The following MUC7 variants were observed in gnomAD, a reference collection of about 807,000 sequenced individuals.
MUC7 encodes the protein mucin-7.
A neutral mutation model predicts 2.5 loss-of-function variants in MUC7; 2 were observed. That is an observed-to-expected ratio of 0.81 (90% confidence interval 0.33 to 2.55). MUC7 has a LOEUF of 2.55. MUC7 is among the 30% of genes most tolerant of loss of function. The pLI is 0.11. For missense variants in MUC7, 408 were observed against 455.6 expected (o/e 0.90, Z 0.95); for synonymous variants, 133 against 173.4 (o/e 0.77, Z 1.83).
rs375696505 is a variant in MUC7, at chr4:70,480,838, A to G, written c.94A>G (p.Arg32Gly). Residue 32 changes from arginine to glycine, a missense_variant, in exon 3 of 3, where the codon AGA (arginine) becomes GGA (glycine). By Grantham distance (125) the Arg-to-Gly change is moderately radical. Transcript: ENST00000304887. Reference protein sequence around the residue: ...GRERDHELRHRRHHHQSPKSH... With the variant: ...GRERDHELRHGRHHHQSPKSH... ...AGAAAGGGATCATGAACTACGTCAC[A>G]GAAGGCATCATCACCAATCACCCAA... 3 of 1,614,108 alleles carry G rather than the reference A, an allele frequency of 1.9e-6. No homozygotes were observed. The highest frequency in any genetic ancestry group is 2.5e-6 in the Non-Finnish European group (3 of 1,179,970).
rs773581889 is a variant in MUC7, at chr4:70,481,427, C to T, written c.683C>T (p.Ser228Phe). 4 of 1,524,418 alleles carry T rather than the reference C, an allele frequency of 2.6e-6. No homozygotes were observed. Among genetic ancestry groups the T allele is most frequent in the Non-Finnish European group, 3.5e-6 (4 of 1,133,978 alleles). 94.4% of individuals were successfully genotyped at this position (1,524,418 alleles called of 1,614,324 possible). A position where few individuals can be genotyped will look rare whatever the true frequency, so the allele number is the denominator to read the frequency against. Reference sequence around the variant, plus strand: ...GCAACTACACCAGCTCCACCATCTTCCTCAGCTCCACCAGAGACCACAGCT... The same window carrying T: ...GCAACTACACCAGCTCCACCATCTTTCTCAGCTCCACCAGAGACCACAGCT... ...PPATTPAPPS[S>F]SAPPETTAAP... Residue 228 changes from serine (S) to phenylalanine (F), a missense_variant, in exon 3 of 3, where the codon TCC (serine) becomes TTC (phenylalanine). Transcript: ENST00000304887.
rs1734024907 is a variant in MUC7, at chr4:70,442,177, C to CTA, written c.-93+11492_-93+11493dup. Among the ~76,000 whole-genome samples the CTA allele has an allele frequency of 2.6e-5, 4 of 152,276 alleles. No individual in the cohort carries two copies. The South Asian group carries it at 8.3e-4, about 32-fold the overall frequency. Reference sequence around the variant, plus strand: ...CTATATTTTCTATACAACAAAAATGCTATCATACTTTGGGTTCGTATATGT... The same window carrying CTA: ...CTATATTTTCTATACAACAAAAATGCTATATCATACTTTGGGTTCGTATATGT... On this transcript the variant is annotated intron_variant, in intron 1 of 3. Coordinates refer to the MUC7 transcript ENST00000413702.
intron 1 of MUC7, among the ~76,000 whole-genome samples, chr4:70,452,412 G>A (rs964758659): frequency 6.6e-6 from 1 of 151,410 alleles, no homozygotes; most frequent in Non-Finnish European, 1.5e-5. Context: ...TATTTTTTGT[G>A]TATCCATTAT....
Position 70,480,975 on chromosome 4 carries a change from A to G in MUC7, c.231A>G (p.Ser77=), listed in dbSNP as rs932281061. 6.2e-6 allele frequency: 10 copies of G among 1,613,876 alleles called. No homozygotes were observed. Among genetic ancestry groups the G allele is most frequent in the African/African-American group, 1.3e-5 (1 of 74,876 alleles). The change falls in exon 3 of 3, where the codon TCA becomes TCG. Residue 77 remains serine (S), a synonymous_variant. Coordinates refer to ENST00000304887, the MANE Select transcript of MUC7 (RefSeq NM_152291.3). The stretch of plus-strand genomic sequence containing the variant: ...GCTGTAGGCCTAAGCTTCCACCTTC[A>G]CCTAATAACCCCCCCAAATTCCCAA... ...HKRCRPKLPP[S]PNNPPKFPNP...
upstream of MUC7, among the ~76,000 whole-genome samples, chr4:70,470,084 AG>A (rs1553919699): frequency 6.6e-6 from 1 of 152,248 alleles, no homozygotes; most frequent in Non-Finnish European, 1.5e-5. Context: ...GCCATAAAAA[AG>A]GATGAGTTCA....
intron 1 of MUC7, among the ~76,000 whole-genome samples, chr4:70,460,728 C>A (rs556183591): frequency 6.6e-6 from 1 of 152,224 alleles, no homozygotes; most frequent in East Asian, 1.9e-4. Context: ...TTTGGTCCAG[C>A]CAGCACTGTG....
At chr4:70,478,534 C>A (rs1472073912) in intron 2 of MUC7, among the ~76,000 whole-genome samples, 2 of 152,200 alleles carry the variant, frequency 1.3e-5, no homozygotes, top group East Asian at 3.9e-4. Context: ...GTGACTTGAC[C>A]AAAGTCACTC....
intron 2 of MUC7, among the ~76,000 whole-genome samples, chr4:70,475,768 G>A (rs945112407): frequency 6.6e-6 from 1 of 152,188 alleles, no homozygotes; most frequent in African/African-American, 2.4e-5. Flanking sequence ...GAAGTGGAAT[G>A]TACTTTTTTA....
At chr4:70,438,024 C>G (rs1454553456) in intron 1 of MUC7, among the ~76,000 whole-genome samples, 1 of 152,154 alleles carries the variant, frequency 6.6e-6, no homozygotes, top group African/African-American at 2.4e-5. Flanking sequence ...ACTAATAATG[C>G]CTGTCCAGGC....
intron 1 of MUC7, among the ~76,000 whole-genome samples, chr4:70,431,816 T>C (rs1237198350): frequency 6.6e-6 from 1 of 152,126 alleles, no homozygotes; most frequent in Admixed American, 6.6e-5. Flanking sequence ...CTTACATATG[T>C]ATACATGTGC....
intron 1 of MUC7, among the ~76,000 whole-genome samples, chr4:70,462,378 A>G (rs978588872): frequency 6.6e-6 from 1 of 152,226 alleles, no homozygotes; most frequent in Non-Finnish European, 1.5e-5. Flanking sequence ...GAAAATTTCA[A>G]TGTCACCTTA....
At chr4:70,457,221 C>G (rs1045105294) in intron 1 of MUC7, among the ~76,000 whole-genome samples, 1 of 152,120 alleles carries the variant, frequency 6.6e-6, no homozygotes, top group Admixed American at 6.6e-5. Flanking sequence ...GGGGGGAGGA[C>G]TGCTTGAGGC....
At chr4:70,442,321 A>G (rs1051768184) in intron 1 of MUC7, among the ~76,000 whole-genome samples, 1 of 152,216 alleles carries the variant, frequency 6.6e-6, no homozygotes, top group Non-Finnish European at 1.5e-5. Context: ...AAGTGCATTT[A>G]GGATTCTCAG....
intron 1 of MUC7, among the ~76,000 whole-genome samples, chr4:70,452,805 T>G (rs1734311179): frequency 6.6e-6 from 1 of 152,216 alleles, no homozygotes; most frequent in African/African-American, 2.4e-5. Context: ...TCAGATGATT[T>G]CTTATTCCTC....
chr4:70,438,689 C>T (rs1733925378), intron 1 of MUC7, among the ~76,000 whole-genome samples: 1 of 152,054 alleles, frequency 6.6e-6, no homozygotes, highest in Non-Finnish European at 1.5e-5. Flanking sequence ...AACTCCTGAC[C>T]TCAGATAATC....
At chr4:70,474,494 G>A (rs1470739321) in intron 2 of MUC7, among the ~76,000 whole-genome samples, 2 of 152,144 alleles carry the variant, frequency 1.3e-5, no homozygotes, top group Non-Finnish European at 1.5e-5. Context: ...CAGCCTGGGT[G>A]ACAAAATGAG....
intron 1 of MUC7, among the ~76,000 whole-genome samples, chr4:70,441,084 T>C (rs1733993308): frequency 6.6e-6 from 1 of 152,192 alleles, no homozygotes; most frequent in Non-Finnish European, 1.5e-5. Flanking sequence ...CTATTAAACT[T>C]GATTCAATAA....
intron 1 of MUC7, among the ~76,000 whole-genome samples, chr4:70,434,901 G>A (rs1477471303): frequency 1.3e-5 from 2 of 152,106 alleles, no homozygotes; most frequent in African/African-American, 2.4e-5. Context: ...ATTCTGGTAT[G>A]TTGTGTCTTT....
intron 2 of MUC7, among the ~76,000 whole-genome samples, chr4:70,479,767 C>T (rs1421425311): frequency 6.6e-6 from 1 of 152,184 alleles, no homozygotes; most frequent in Non-Finnish European, 1.5e-5. Flanking sequence ...ACCCACATGG[C>T]ATAGAAGTTA....
Sources: gnomAD v4.1 joint callset for allele counts (sites outside exome capture counted in the v4.1 genomes callset) on GRCh38, gnomAD v4.1.1 for gene constraint, MANE v1.5 for transcripts, NCBI Gene and HGNC (gene_info 2026-07-23, HGNC 2026-07-21) for gene names.